LRRIQ3: variants seen among roughly 807,000 people sequenced by gnomAD.
LRRIQ3 encodes leucine-rich repeat and IQ domain-containing protein 3.
Under a neutral mutation model 59.3 loss-of-function variants are expected in LRRIQ3, and 75 were observed. The ratio of observed to expected loss-of-function variants is 1.26; its 90% confidence interval spans 1.05 to 1.53. The LOEUF is 1.53. LRRIQ3 is among the 40% of genes most tolerant of loss of function. The pLI is 0.00. For synonymous variants in LRRIQ3, 250 were observed against 231.3 expected, an observed-to-expected ratio of 1.08 and a Z score of -0.73; for missense variants, 831 against 710.0, an observed-to-expected ratio of 1.17 and a Z score of -1.94.
chr1:74,169,599 G>T (rs1036113787), intron 3 of LRRIQ3, among the ~76,000 whole-genome samples: 6 of 151,928 alleles, frequency 3.9e-5, no homozygotes, highest in African/African-American at 1.5e-4. Context: ...CACCCAGGCT[G>T]GTGTGCCACT....
At chr1:74,149,022 T>G (rs148998286) in intron 4 of LRRIQ3, among the ~76,000 whole-genome samples, 156 of 115,432 alleles carry the variant, frequency 1.4e-3, no homozygotes, top group African/African-American at 4.9e-3. Flanking sequence ...AAATTAACCT[T>G]GTATTCCTGG....
intron 6 of LRRIQ3, among the ~76,000 whole-genome samples, chr1:74,065,402 T>G (rs1301453261): frequency 6.6e-6 from 1 of 152,110 alleles, no homozygotes; most frequent in Non-Finnish European, 1.5e-5. Context: ...TTCTGTTAGT[T>G]ATAATCATTT....
intron 4 of LRRIQ3, among the ~76,000 whole-genome samples, chr1:74,131,517 C>T (rs2100611365): frequency 6.6e-6 from 1 of 152,266 alleles, no homozygotes; most frequent in East Asian, 1.9e-4. Context: ...CATCAAAAAG[C>T]TTATCCACCA....
intron 1 of LRRIQ3, 83 bp from the exon 2 acceptor site, chr1:74,183,767 T>G: frequency 8.3e-7 from 1 of 1,210,086 alleles, no homozygotes; most frequent in Non-Finnish European, 1.1e-6. Context: ...TGCCAAGAGA[T>G]AGCGCAAGTA....
intron 6 of LRRIQ3, among the ~76,000 whole-genome samples, chr1:74,067,666 T>C (rs936048480): frequency 6.6e-6 from 1 of 152,096 alleles, no homozygotes; most frequent in Non-Finnish European, 1.5e-5. Flanking sequence ...CTGCTTTTTT[T>C]TCTTAATTTC....
intron 5 of LRRIQ3, among the ~76,000 whole-genome samples, chr1:74,085,218 T>C (rs1475479442): frequency 4.6e-5 from 7 of 151,356 alleles, no homozygotes; most frequent in African/African-American, 1.7e-4. Flanking sequence ...ACAATATAAA[T>C]AGAATTTGGA....
At chr1:74,183,413 T>C in intron 2 of LRRIQ3, 23 bp downstream of exon 2, 3 of 1,518,936 alleles carry the variant, frequency 2.0e-6, no homozygotes, top group Non-Finnish European at 2.6e-6. Context: ...TATATGCAAA[T>C]ATCTGAAATG....
chr1:74,102,740 T>C (rs1646553349), intron 5 of LRRIQ3, among the ~76,000 whole-genome samples: 1 of 152,014 alleles, frequency 6.6e-6, no homozygotes, highest in Non-Finnish European at 1.5e-5. Flanking sequence ...TCTGTTCAAC[T>C]CTCTCATTTC....
intron 1 of LRRIQ3, among the ~76,000 whole-genome samples, chr1:74,185,800 G>A (rs6694086): frequency 0.039 from 5,945 of 151,878 alleles, 159 homozygotes; most frequent in South Asian, 0.13. Flanking sequence ...AAAATTAGCC[G>A]GACGTGGTGG....
At chr1:74,121,960 C>T (rs1357142927) in intron 4 of LRRIQ3, among the ~76,000 whole-genome samples, 13 of 151,958 alleles carry the variant, frequency 8.6e-5, no homozygotes, top group Middle Eastern at 3.2e-3. Flanking sequence ...ATATGTGTCA[C>T]GGTTTCTTAA....
At chr1:74,156,864 G>T (rs1408465339) in intron 3 of LRRIQ3, among the ~76,000 whole-genome samples, 9 of 152,140 alleles carry the variant, frequency 5.9e-5, no homozygotes, top group Admixed American at 2.6e-4. Context: ...TAGAAATAAG[G>T]TCACTGTTTA....
chr1:74,161,926 AAAT>A (rs145164387), intron 3 of LRRIQ3, among the ~76,000 whole-genome samples: 4 of 151,460 alleles, frequency 2.6e-5, no homozygotes, highest in Non-Finnish European at 4.4e-5. Flanking sequence ...CCTCTTTGTA[AAAT>A]AATAATAATA....
At chr1:74,133,748 T>C (rs914996479) in intron 4 of LRRIQ3, among the ~76,000 whole-genome samples, 9 of 151,906 alleles carry the variant, frequency 5.9e-5, no homozygotes, top group Non-Finnish European at 1.2e-4. Flanking sequence ...CATTGGGAGA[T>C]ATATCTAATG....
chr1:74,180,357 C>T (rs1649905308), intron 3 of LRRIQ3: 1 of 183,786 alleles, frequency 5.4e-6, no homozygotes, highest in Admixed American at 5.7e-5. Flanking sequence ...CCTGAGAGAA[C>T]TAGGCTTTAA....
chr1:74,085,715 G>A (rs1423368490), intron 5 of LRRIQ3, among the ~76,000 whole-genome samples: 1 of 151,990 alleles, frequency 6.6e-6, no homozygotes, highest in Non-Finnish European at 1.5e-5. Context: ...AAGGCTTTTA[G>A]TGCCTACTTT....
rs936996364 is a variant in LRRIQ3, at chr1:74,041,774, T to C, written c.1157A>G (p.Tyr386Cys). Residue 386 changes from tyrosine to cysteine, a missense_variant, in exon 7 of 8, where the codon TAT becomes TGT. Tyr to Cys is a radical substitution (Grantham distance 194). Transcript: ENST00000354431. The part of the protein sequence containing the change: ...HFFPAYPQPI[Y>C]TTHPKPIIKK... ...AATGATTGGCTTTGGATGAGTAGTA[T>C]AGATTGGCTGAGGATATGCAGGAAA... 6.2e-7 allele frequency: 1 copy of C among 1,613,616 alleles called. No individual in the cohort carries two copies. Among genetic ancestry groups the C allele is most frequent in the Non-Finnish European group, 8.5e-7 (1 of 1,179,794 alleles).
intron 5 of LRRIQ3, among the ~76,000 whole-genome samples, chr1:74,093,571 A>G (rs1337695324): frequency 1.3e-5 from 2 of 152,248 alleles, no homozygotes; most frequent in African/African-American, 4.8e-5. Context: ...ATCTACCAAT[A>G]TAACGATTGG....
intron 5 of LRRIQ3, chr1:74,094,880 C>T (rs1646432708): frequency 2.0e-5 from 3 of 152,036 alleles, no homozygotes; most frequent in African/African-American, 7.2e-5. Context: ...GGAAAAGGTA[C>T]AGGCAAATGT....
chr1:74,100,646 G>A (rs1646516589), intron 5 of LRRIQ3, among the ~76,000 whole-genome samples: 1 of 152,150 alleles, frequency 6.6e-6, no homozygotes, highest in African/African-American at 2.4e-5. Flanking sequence ...CATGCTACCT[G>A]ACTTCAAACT....
Sources: gnomAD v4.1 joint callset for allele counts (sites outside exome capture counted in the v4.1 genomes callset) on GRCh38, gnomAD v4.1.1 for gene constraint, MANE v1.5 for transcripts, NCBI Gene and HGNC (gene_info 2026-07-23, HGNC 2026-07-21) for gene names.